EPB41L2: variants seen among roughly 807,000 people sequenced by gnomAD.
EPB41L2 encodes band 4.1-like protein 2.
EPB41L2 carries 43 observed loss-of-function variants against 113.0 expected under a neutral mutation model. That is an observed-to-expected ratio of 0.38 (90% CI 0.30 to 0.49). EPB41L2 has a LOEUF of 0.49. Among genes scored for constraint, EPB41L2 ranks in the 20% least tolerant of loss-of-function variants. The pLI is 0.95. For synonymous variants in EPB41L2, 442 were observed against 436.7 expected, an observed-to-expected ratio of 1.01 and a Z score of -0.15; for missense variants, 1,147 against 1,223.4, an observed-to-expected ratio of 0.94 and a Z score of 0.93.
intron 13 of EPB41L2, 101 bp from the exon 14 acceptor site, chr6:130,878,351 T>G: frequency 8.4e-7 from 1 of 1,196,886 alleles, no homozygotes; most frequent in South Asian, 1.8e-5. Flanking sequence ...AACTTACGAT[T>G]AAAAAAAAAA....
chr6:130,883,446 T>A (rs1383831838), intron 12 of EPB41L2, among the ~76,000 whole-genome samples: 2 of 152,210 alleles, frequency 1.3e-5, no homozygotes, highest in African/African-American at 4.8e-5. Flanking sequence ...CCCATGAAAC[T>A]CAAACAGCAT....
At chr6:130,966,859 A>C (rs1274357116) in intron 1 of EPB41L2, among the ~76,000 whole-genome samples, 1 of 152,180 alleles carries the variant, frequency 6.6e-6, no homozygotes, top group Non-Finnish European at 1.5e-5. Context: ...CCAGCTCAGC[A>C]GTAGCATTAA....
At chr6:131,011,213 A>G (rs1786872206) in intron 1 of EPB41L2, among the ~76,000 whole-genome samples, 1 of 152,232 alleles carries the variant, frequency 6.6e-6, no homozygotes, top group Non-Finnish European at 1.5e-5. Flanking sequence ...GCCATATGCA[A>G]AGTAGCATAA....
chr6:130,850,020 G>A (rs977455238), intron 19 of EPB41L2, among the ~76,000 whole-genome samples: 1 of 151,982 alleles, frequency 6.6e-6, no homozygotes, highest in Non-Finnish European at 1.5e-5. Context: ...GATCACCTGA[G>A]GTCAGTCAGG....
At chr6:131,024,449 T>A (rs142658333) in intron 1 of EPB41L2, among the ~76,000 whole-genome samples, 1 of 152,004 alleles carries the variant, frequency 6.6e-6, no homozygotes, top group African/African-American at 2.4e-5. Flanking sequence ...TTCCCAAAAC[T>A]AAGCATCTCT....
At chr6:130,860,593 C>T (rs1257805343) in intron 18 of EPB41L2, among the ~76,000 whole-genome samples, 6 of 152,126 alleles carry the variant, frequency 3.9e-5, no homozygotes, top group Admixed American at 6.5e-5. Context: ...AGTGCAGTGG[C>T]GCGATCTCGG....
chr6:130,869,632 T>C lies in EPB41L2; in HGVS notation c.2538A>G (p.Pro846=). Reference sequence around the variant, plus strand: ...GGGACACCTCTCCGTTAACTTTCTGTGGCTCTTCCTCTGCTTCTTCTCCCA... The same window carrying C: ...GGGACACCTCTCCGTTAACTTTCTGCGGCTCTTCCTCTGCTTCTTCTCCCA... The part of the protein sequence containing the change: ...QDMGEEAEEE[P]QKVNGEVSHV... Residue 846 remains proline, a synonymous_variant, in exon 15 of 20, where the codon CCA becomes CCG. Transcript: ENST00000337057. 1 of 1,614,204 alleles carries C rather than the reference T, an allele frequency of 6.2e-7. No homozygotes were observed. Among genetic ancestry groups the C allele is most frequent in the Non-Finnish European group, 8.5e-7 (1 of 1,180,026 alleles).
chr6:130,991,064 C>T (rs1029497664), intron 1 of EPB41L2, among the ~76,000 whole-genome samples: 2 of 152,044 alleles, frequency 1.3e-5, no homozygotes, highest in African/African-American at 2.4e-5. Flanking sequence ...CTCGTAACCT[C>T]GTGATCCGCC....
chr6:130,879,018 G>T (rs955998276), intron 13 of EPB41L2, among the ~76,000 whole-genome samples: 8 of 152,138 alleles, frequency 5.3e-5, no homozygotes, highest in African/African-American at 1.9e-4. Context: ...CCATTTTCAT[G>T]GGAGCAGGCC....
intron 1 of EPB41L2, among the ~76,000 whole-genome samples, chr6:131,024,608 T>C (rs1288929103): frequency 1.3e-5 from 2 of 152,196 alleles, no homozygotes; most frequent in Non-Finnish European, 2.9e-5. Context: ...CAAGAGCTCT[T>C]TGAGCGCAAG....
intron 17 of EPB41L2, 34 bp from the exon 18 acceptor site, chr6:130,863,752 C>G (rs375085722): frequency 9.4e-6 from 14 of 1,494,392 alleles, no homozygotes; most frequent in Non-Finnish European, 1.2e-5. Flanking sequence ...GAAAAAACAG[C>G]AATCACTGAA....
At chr6:130,861,874 C>CCAAAAAAA (rs1554238944) in intron 18 of EPB41L2, among the ~76,000 whole-genome samples, 1 of 120,676 alleles carries the variant, frequency 8.3e-6, no homozygotes, top group Non-Finnish European at 1.7e-5. Flanking sequence ...TCCATCTCCC[C>CCAAAAAAA]AAAAAAAAAA....
intron 1 of EPB41L2, among the ~76,000 whole-genome samples, chr6:130,958,798 A>T (rs1583948544): frequency 6.6e-6 from 1 of 152,250 alleles, no homozygotes; most frequent in South Asian, 2.1e-4. Flanking sequence ...CCAAAACATA[A>T]AAGATTTTGT....
Position 130,956,202 on chromosome 6 carries a change from T to C in EPB41L2, c.284A>G (p.Asp95Gly), listed in dbSNP as rs1436363048. The C allele has an allele frequency of 1.2e-6, 2 of 1,614,194 alleles. No individual in the cohort carries two copies. Among genetic ancestry groups the C allele is most frequent in the East Asian group, 4.5e-5 (2 of 44,884 alleles). ...GGTAGGCTCTTTTTTATCTCCTCCA[T>C]CTTTGGCCACTACTAAGGTATATGA... ...QKSYTLVVAK[D>G]GGDKKEPTQA... The change falls in exon 2 of 20, where the codon GAT becomes GGT. Residue 95 changes from aspartate to glycine, a missense_variant. Transcript: ENST00000337057.
chr6:131,037,292 A>C (rs187121578), intron 1 of EPB41L2, among the ~76,000 whole-genome samples: 156 of 152,304 alleles, frequency 1.0e-3, no homozygotes, highest in African/African-American at 3.5e-3. Context: ...AAGCGGAGAA[A>C]ACTGACATTT....
intron 8 of EPB41L2, among the ~76,000 whole-genome samples, chr6:130,896,706 G>T (rs1415148354): frequency 2.0e-5 from 3 of 152,204 alleles, no homozygotes; most frequent in Admixed American, 6.5e-5. Flanking sequence ...GGAAGTGAAA[G>T]AGGAAAAGGC....
chr6:131,004,395 C>T (rs886259588), intron 1 of EPB41L2, among the ~76,000 whole-genome samples: 1 of 152,122 alleles, frequency 6.6e-6, no homozygotes. Flanking sequence ...ATAAAGTAAA[C>T]ACCAATATAT....
chr6:131,053,123 T>C (rs1186543917), intron 1 of EPB41L2, among the ~76,000 whole-genome samples: 2 of 152,072 alleles, frequency 1.3e-5, no homozygotes, highest in Non-Finnish European at 2.9e-5. Flanking sequence ...CTCAAACTCC[T>C]GACCTCAGGT....
In EPB41L2 at chr6:130,867,493, GT is replaced by G. The variant is rs1354753896; in HGVS notation, c.2695del (p.Thr899LeufsTer25). 6.2e-7 allele frequency: 1 copy of G among 1,613,922 alleles called. No homozygotes were observed. The highest frequency in any genetic ancestry group is 1.3e-5 in the African/African-American group (1 of 74,936). ...CTCATATGTGATGGTTTTGGTCTCA[GT>G]TTGGACAATGGGGACTTCCTTGGTG... Reference protein sequence around the residue: ...ISTKEVPIVQTETKTITYESP... With the variant: ...ISTKEVPIVQXETKTITYESP... On this transcript the variant is annotated frameshift_variant, in exon 16 of 20. Transcript: ENST00000337057. LOFTEE classifies it high-confidence loss of function.
Sources: gnomAD v4.1 joint callset for allele counts (sites outside exome capture counted in the v4.1 genomes callset) on GRCh38, gnomAD v4.1.1 for gene constraint, MANE v1.5 for transcripts, NCBI Gene and HGNC (gene_info 2026-07-23, HGNC 2026-07-21) for gene names.